Variants in EPS15L1 observed in about 807,000 individuals in gnomAD.
The protein encoded by EPS15L1 is epidermal growth factor receptor substrate 15-like 1.
Under a neutral mutation model 117.1 loss-of-function variants are expected in EPS15L1, and 43 were observed. The observed-to-expected ratio is 0.37, with a 90% CI of 0.29 to 0.47. EPS15L1 has a LOEUF of 0.47. Among genes scored for constraint, EPS15L1 ranks in the 20% least tolerant of loss-of-function variants. The pLI is 0.99. For synonymous variants in EPS15L1, 459 were observed against 470.5 expected (o/e 0.98, Z 0.32); for missense variants, 981 against 1,164.0 (o/e 0.84, Z 2.29).
chr19:16,367,423 G>A (rs2092148532), intron 22 of EPS15L1, among the ~76,000 whole-genome samples: 1 of 143,064 alleles, frequency 7.0e-6, no homozygotes, highest in Non-Finnish European at 1.5e-5. Flanking sequence ...CCCAAGCGGT[G>A]TACCGAAACC....
chr19:16,437,891 G>C, intron 4 of EPS15L1, 26 bp from the exon 5 acceptor site: 1 of 1,571,988 alleles, frequency 6.4e-7, no homozygotes. Context: ...AAGGGAAGGA[G>C]TAAACAGCAT....
chr19:16,410,459 C>A (rs2092696415), intron 13 of EPS15L1, among the ~76,000 whole-genome samples: 1 of 152,210 alleles, frequency 6.6e-6, no homozygotes, highest in Admixed American at 6.5e-5. Context: ...TCTGGCAGCT[C>A]CTCAACAGTT....
chr19:16,446,807 G>A (rs1419471415), intron 1 of EPS15L1, among the ~76,000 whole-genome samples: 2 of 152,162 alleles, frequency 1.3e-5, no homozygotes, highest in East Asian at 1.9e-4. Flanking sequence ...GAGGTCAAAA[G>A]GCAACACTCA....
chr19:16,361,411 A>T (rs900795464), intron 23 of EPS15L1, among the ~76,000 whole-genome samples: 1 of 152,148 alleles, frequency 6.6e-6, no homozygotes, highest in African/African-American at 2.4e-5. Context: ...TAACTTTCGC[A>T]ATCTTCTTTT....
At chr19:16,426,479 C>A (rs1180857989) in intron 8 of EPS15L1, among the ~76,000 whole-genome samples, 15 of 149,440 alleles carry the variant, frequency 1.0e-4, no homozygotes, top group Non-Finnish European at 8.9e-5. Context: ...ACTAAAAATT[C>A]AAAAAAAAAA....
At chr19:16,375,466 A>ATGTGTGTG (rs3082716) in intron 22 of EPS15L1, among the ~76,000 whole-genome samples, 4 of 149,308 alleles carry the variant, frequency 2.7e-5, no homozygotes, top group East Asian at 4.0e-4. Flanking sequence ...TTATGCATAT[A>ATGTGTGTG]TGTGTGTGTG....
chr19:16,424,371 G>A (rs1453600777), intron 9 of EPS15L1, among the ~76,000 whole-genome samples: 1 of 151,786 alleles, frequency 6.6e-6, no homozygotes, highest in Admixed American at 6.6e-5. Flanking sequence ...TCTAGTCAGA[G>A]GGTCTTGAGA....
chr19:16,451,815 C>T (rs1416248323), intron 1 of EPS15L1, among the ~76,000 whole-genome samples: 2 of 148,514 alleles, frequency 1.3e-5, no homozygotes, highest in African/African-American at 4.9e-5. Context: ...AGGCGTGAGC[C>T]ACCGCGCCTG....
chr19:16,434,321 C>G (rs375544090), intron 7 of EPS15L1, 44 bp downstream of exon 7: 144 of 1,603,386 alleles, frequency 9.0e-5, no homozygotes, highest in Non-Finnish European at 1.1e-4. Context: ...CCACACACAG[C>G]AGGGACACTG....
At position 16,417,975 on chromosome 19, in the gene EPS15L1, C is replaced by T. The variant is rs776274888; in HGVS notation, c.1080G>A (p.Pro360=). 9.3e-6 allele frequency: 15 copies of T among 1,613,830 alleles called. No individual in the cohort carries two copies. The Admixed American group carries it at 1.3e-4, about 14-fold the overall frequency. ...GGCCGGGCGTGCCTCTCTCCGAAGG[C>T]GGGACCATGTCCGGCGAGAGGACTT... ...PPQVLSPDMV[P]PSERGTPGPD... The change falls in exon 11 of 24, where the codon CCG becomes CCA. Residue 360 remains proline, a synonymous_variant. Transcript: ENST00000455140.
intron 5 of EPS15L1, 70 bp downstream of exon 5, chr19:16,437,696 TACAC>T: frequency 9.9e-7 from 1 of 1,011,516 alleles, no homozygotes; most frequent in Non-Finnish European, 1.6e-6. Flanking sequence ...TACATGCACA[TACAC>T]ACATGCACAT....
At chr19:16,398,030 C>T (rs192438308) in intron 16 of EPS15L1, among the ~76,000 whole-genome samples, 154 of 152,242 alleles carry the variant, frequency 1.0e-3, no homozygotes, top group Middle Eastern at 3.4e-3. Context: ...GGGGCGTCCA[C>T]AAAAATAGGG....
chr19:16,364,410 TC>T (rs2092104149), intron 22 of EPS15L1, among the ~76,000 whole-genome samples: 1 of 152,118 alleles, frequency 6.6e-6, no homozygotes, highest in Non-Finnish European at 1.5e-5. Flanking sequence ...TCTAGGTGTC[TC>T]CCTTTTTCTA....
rs2092114872 is a variant in EPS15L1, at chr19:16,365,064, G to A, written c.2381-3080C>T. 6.6e-6 allele frequency among the ~76,000 whole-genome samples: 1 copy of A among 152,194 alleles called. No homozygotes were observed. The highest frequency in any genetic ancestry group is 1.9e-4 in the East Asian group (1 of 5,182). On this transcript the variant is annotated intron_variant, in intron 22 of 23. Transcript: ENST00000455140. The surrounding 1 kb of genome is among the most constrained non-coding windows in gnomAD (Gnocchi z 4.9). ...TGGCTATGCCTTGTCCCTCTGCCTGGAAGGCACTCCCAACTGGAATGCCAT... is the reference window on the plus strand; with the variant it reads ...TGGCTATGCCTTGTCCCTCTGCCTGAAAGGCACTCCCAACTGGAATGCCAT...
chr19:16,362,839 C>T, intron 22 of EPS15L1, among the ~76,000 whole-genome samples: 1 of 152,126 alleles, frequency 6.6e-6, no homozygotes, highest in Non-Finnish European at 1.5e-5. Flanking sequence ...CCACTTCTGT[C>T]CCTCTGGTGT....
intron 16 of EPS15L1, among the ~76,000 whole-genome samples, chr19:16,396,001 G>T (rs926083776): frequency 6.6e-6 from 1 of 151,600 alleles, no homozygotes; most frequent in Admixed American, 6.6e-5. Context: ...CCAGCTACTT[G>T]GGAGGTTGAC....
chr19:16,429,224 C>T (rs1049783646), intron 7 of EPS15L1, among the ~76,000 whole-genome samples: 2 of 152,146 alleles, frequency 1.3e-5, no homozygotes, highest in Non-Finnish European at 2.9e-5. Flanking sequence ...CACTCCCCAG[C>T]AGTGGATGGT....
At chr19:16,364,152 G>C (rs2092099810) in intron 22 of EPS15L1, among the ~76,000 whole-genome samples, 2 of 152,236 alleles carry the variant, frequency 1.3e-5, no homozygotes, top group Non-Finnish European at 2.9e-5. Context: ...AGAAAGAGGG[G>C]AGGTCGAGGC....
chr19:16,433,737 C>T (rs151231980), intron 7 of EPS15L1, among the ~76,000 whole-genome samples: 166 of 151,930 alleles, frequency 1.1e-3, no homozygotes, highest in African/African-American at 3.7e-3. Context: ...GAGGCCGAGG[C>T]GGGTGAATCT....
Sources: allele counts gnomAD v4.1 joint callset (sites outside exome capture counted in the v4.1 genomes callset), GRCh38; gene constraint gnomAD v4.1.1; non-coding constraint Gnocchi (gnomAD v3.1); transcripts MANE v1.5; gene names NCBI Gene and HGNC (gene_info 2026-07-23, HGNC 2026-07-21).